Variants in SLC35F3 observed in about 807,000 individuals in gnomAD.
SLC35F3 encodes putative thiamine transporter SLC35F3.
Under a neutral mutation model 49.9 loss-of-function variants are expected in SLC35F3, and 25 were observed. The observed-to-expected ratio is 0.50, with a 90% CI of 0.37 to 0.70. The LOEUF is 0.70. Among genes scored for constraint, SLC35F3 ranks in the 30% least tolerant of loss-of-function variants. The pLI, the probability that SLC35F3 is intolerant of heterozygous loss-of-function variation, is 0.00. For missense variants in SLC35F3, 525 were observed against 639.8 expected, an observed-to-expected ratio of 0.82 and a Z score of 1.94; for synonymous variants, 275 against 265.4, an observed-to-expected ratio of 1.04 and a Z score of -0.35.
chr1:234,098,695 T>A (rs1371128200), intron 2 of SLC35F3, among the ~76,000 whole-genome samples: 2 of 145,892 alleles, frequency 1.4e-5, no homozygotes, highest in Non-Finnish European at 3.0e-5. Context: ...GGTGACTGTA[T>A]TGGTGGTGGT....
intron 3 of SLC35F3, among the ~76,000 whole-genome samples, chr1:234,271,995 G>A (rs976965881): frequency 4.6e-5 from 7 of 152,148 alleles, no homozygotes; most frequent in African/African-American, 1.7e-4. Context: ...GCATGGTGGA[G>A]CATGCCTGTA....
At chr1:234,162,498 T>G (rs1666244401) in intron 2 of SLC35F3, among the ~76,000 whole-genome samples, 1 of 151,240 alleles carries the variant, frequency 6.6e-6, no homozygotes, top group Non-Finnish European at 1.5e-5. Flanking sequence ...AGGAAGGCTG[T>G]CTCTCCTGTA....
chr1:233,904,945 G>A lies in SLC35F3; in HGVS notation c.-133G>A. ...CGCGGGCGCGCACAAAGCGGCCCGGGGCGGCCGGCGCGGCGCAGACCCTCG... is the reference window on the plus strand; with the variant it reads ...CGCGGGCGCGCACAAAGCGGCCCGGAGCGGCCGGCGCGGCGCAGACCCTCG... On this transcript the variant is annotated 5_prime_UTR_variant, in exon 1 of 8. Coordinates refer to ENST00000366618, the MANE Select transcript of SLC35F3 (RefSeq NM_173508.4). 3 of 1,011,642 alleles carry A rather than the reference G, an allele frequency of 3.0e-6. No homozygotes were observed. Among genetic ancestry groups the A allele is most frequent in the South Asian group, 1.8e-5 (1 of 54,832 alleles). The allele number at this position is 1,011,642 out of a possible 1,614,324, so 62.7% of individuals were successfully genotyped here. A position where few individuals can be genotyped will look rare whatever the true frequency, so the allele number is the denominator to read the frequency against.
intron 2 of SLC35F3, among the ~76,000 whole-genome samples, chr1:234,206,358 G>A (rs1395557432): frequency 6.6e-6 from 1 of 151,986 alleles, no homozygotes; most frequent in African/African-American, 2.4e-5. Flanking sequence ...AGCGGGGGAT[G>A]AGGGACAGTG....
chr1:234,310,638 AC>A (rs1365109895), intron 4 of SLC35F3, among the ~76,000 whole-genome samples: 1 of 152,130 alleles, frequency 6.6e-6, no homozygotes, highest in African/African-American at 2.4e-5. Flanking sequence ...CCCCCCTGCC[AC>A]CCACCCATGT....
At chr1:234,284,040 G>A (rs1217693418) in intron 3 of SLC35F3, among the ~76,000 whole-genome samples, 2 of 151,976 alleles carry the variant, frequency 1.3e-5, no homozygotes, top group African/African-American at 2.4e-5. Flanking sequence ...GGAGTAGCTG[G>A]GACTACAGGT....
chr1:233,932,329 G>T (rs1662256844), intron 2 of SLC35F3, among the ~76,000 whole-genome samples: 1 of 152,068 alleles, frequency 6.6e-6, no homozygotes, highest in Admixed American at 6.5e-5. Flanking sequence ...CTGTCTCAGG[G>T]GTGGCAGAGG....
intron 2 of SLC35F3, among the ~76,000 whole-genome samples, chr1:234,146,806 G>A (rs1478224230): frequency 1.3e-5 from 2 of 152,062 alleles, no homozygotes; most frequent in Non-Finnish European, 2.9e-5. Flanking sequence ...GAGCCACCGT[G>A]CCCGGCCTCA....
chr1:233,971,531 C>G (rs1227811149), intron 2 of SLC35F3, among the ~76,000 whole-genome samples: 2 of 152,128 alleles, frequency 1.3e-5, no homozygotes, highest in African/African-American at 4.8e-5. Context: ...ACCAGCCCAG[C>G]CAACATGGTG....
At chr1:234,190,664 A>G (rs1158254525) in intron 2 of SLC35F3, among the ~76,000 whole-genome samples, 2 of 152,248 alleles carry the variant, frequency 1.3e-5, no homozygotes, top group Non-Finnish European at 2.9e-5. Flanking sequence ...TCATCAAGAC[A>G]GAAAGTCAAC....
At chr1:234,086,150 G>T (rs1405435959) in intron 2 of SLC35F3, among the ~76,000 whole-genome samples, 1 of 152,320 alleles carries the variant, frequency 6.6e-6, no homozygotes, top group Middle Eastern at 3.4e-3. Flanking sequence ...CATTTGAAGT[G>T]CTCATGTCTA....
At chr1:234,145,686 T>C (rs943022809) in intron 2 of SLC35F3, among the ~76,000 whole-genome samples, 13 of 152,140 alleles carry the variant, frequency 8.5e-5, no homozygotes, top group Admixed American at 3.9e-4. Context: ...TTATAAGTAA[T>C]CTAGAGATTA....
At chr1:234,051,741 G>A (rs544506029) in intron 2 of SLC35F3, among the ~76,000 whole-genome samples, 5 of 152,226 alleles carry the variant, frequency 3.3e-5, no homozygotes, top group Non-Finnish European at 7.4e-5. Flanking sequence ...AATGCTTCCA[G>A]TTTTTGCCCA....
chr1:234,292,583 G>T (rs1011296562), intron 3 of SLC35F3, among the ~76,000 whole-genome samples: 2 of 152,200 alleles, frequency 1.3e-5, no homozygotes, highest in African/African-American at 4.8e-5. Flanking sequence ...TGGAATAAAT[G>T]ATAAATGTTA....
intron 2 of SLC35F3, among the ~76,000 whole-genome samples, chr1:233,993,713 C>T (rs1424054153): frequency 6.6e-6 from 1 of 152,132 alleles, no homozygotes; most frequent in Admixed American, 6.5e-5. Context: ...AGTCACTATT[C>T]TCAACAACAC....
intron 2 of SLC35F3, among the ~76,000 whole-genome samples, chr1:234,071,984 G>A (rs1199502849): frequency 6.6e-6 from 1 of 152,224 alleles, no homozygotes; most frequent in Non-Finnish European, 1.5e-5. Context: ...CATGAGTGTG[G>A]TTGCTTGAAT....
At chr1:233,936,543 TC>T (rs1662332145) in intron 2 of SLC35F3, among the ~76,000 whole-genome samples, 1 of 151,676 alleles carries the variant, frequency 6.6e-6, no homozygotes, top group Non-Finnish European at 1.5e-5. Context: ...TTCTTCCTCC[TC>T]CTCCTCCTCT....
chr1:234,230,192 T>C (rs1248205529), intron 2 of SLC35F3, among the ~76,000 whole-genome samples: 4 of 152,262 alleles, frequency 2.6e-5, no homozygotes, highest in Non-Finnish European at 2.9e-5. Context: ...GGTTTATCTT[T>C]GGCTAAAACA....
chr1:233,905,219 G>A (rs1048332121), intron 1 of SLC35F3, 89 bp downstream of exon 1: 214 of 1,416,494 alleles, frequency 1.5e-4, no homozygotes, highest in Non-Finnish European at 2.0e-4. Flanking sequence ...ACACTGGGCA[G>A]TCTGAGGCTC....
Sources: gnomAD v4.1 joint callset for allele counts (sites outside exome capture counted in the v4.1 genomes callset) on GRCh38, gnomAD v4.1.1 for gene constraint, MANE v1.5 for transcripts, NCBI Gene and HGNC (gene_info 2026-07-23, HGNC 2026-07-21) for gene names.